Variants in MAN2B2 observed in about 807,000 individuals in gnomAD.
MAN2B2 encodes epididymis-specific alpha-mannosidase.
A neutral mutation model predicts 117.1 loss-of-function variants in MAN2B2; 106 were observed. The ratio of observed to expected loss-of-function variants is 0.90; its 90% confidence interval spans 0.77 to 1.06. The LOEUF is 1.06. MAN2B2 is among the 50% of genes least tolerant of loss of function. The probability of loss-of-function intolerance (pLI) is 0.00; values close to 1 mark genes in which losing one functional copy is unlikely to be tolerated. For synonymous variants in MAN2B2, 544 were observed against 595.1 expected (o/e 0.91, Z 1.25); for missense variants, 1,326 against 1,381.4 (o/e 0.96, Z 0.64).
rs1334783131 is a variant in MAN2B2, at chr4:6,622,601, A to G, written c.*1316A>G. 2 of 151,892 alleles carry G rather than the reference A, an allele frequency of 1.3e-5. No individual in the cohort carries two copies. The highest frequency in any genetic ancestry group is 6.6e-5 in the Admixed American group (1 of 15,248). The allele number at this position is 151,892 out of a possible 1,614,324, so 9.4% of individuals were successfully genotyped here. A position where few individuals can be genotyped will look rare whatever the true frequency, so the allele number is the denominator to read the frequency against. On this transcript the variant is annotated 3_prime_UTR_variant, in exon 19 of 19. Transcript: ENST00000285599. ...CTAGAGATGCACCACTGCGTCAGCTAATTTTTGTATTTTTAGTAGAGACGG... is the reference window on the plus strand; with the variant it reads ...CTAGAGATGCACCACTGCGTCAGCTGATTTTTGTATTTTTAGTAGAGACGG...
chr4:6,600,796 TG>T (rs1237981342), intron 10 of MAN2B2, 40 bp downstream of exon 10: 2 of 1,608,288 alleles, frequency 1.2e-6, no homozygotes, highest in Non-Finnish European at 1.7e-6. Context: ...CTTAGCTGCT[TG>T]CTGAACCTGC....
chr4:6,599,778 G>A (rs1577285598), intron 9 of MAN2B2, among the ~76,000 whole-genome samples: 2 of 152,010 alleles, frequency 1.3e-5, no homozygotes, highest in South Asian at 4.1e-4. Context: ...CATCTAACAT[G>A]CCCTTCCCCT....
chr4:6,583,462 C>T (rs1726519162), intron 3 of MAN2B2, among the ~76,000 whole-genome samples: 2 of 152,184 alleles, frequency 1.3e-5, no homozygotes, highest in Admixed American at 1.3e-4. Context: ...GTATATCGGA[C>T]GCCAATTAAC....
chr4:6,620,878 A>C, intron 18 of MAN2B2: 9 of 305,428 alleles, frequency 2.9e-5, no homozygotes, highest in Non-Finnish European at 3.1e-5. Flanking sequence ...CCCATGAGGA[A>C]TTGAGGCCAC....
chr4:6,621,021 A>G, intron 18 of MAN2B2, 167 bp from the exon 19 acceptor site: 1 of 583,534 alleles, frequency 1.7e-6, no homozygotes. Context: ...AGCCAGGTGC[A>G]GTGTGGTGAG....
chr4:6,619,975 C>A lies in MAN2B2; in HGVS notation c.2863C>A (p.Leu955Ile). 1 of 1,613,982 alleles carries A rather than the reference C, an allele frequency of 6.2e-7. No individual in the cohort carries two copies. Among genetic ancestry groups the A allele is most frequent in the Non-Finnish European group, 8.5e-7 (1 of 1,179,992 alleles). The change falls in exon 18 of 19, where the codon CTC (leucine) becomes ATC (isoleucine). Residue 955 changes from leucine (L) to isoleucine (I), a missense_variant. Physicochemically the swap from Leu to Ile is conservative, Grantham distance 5 (BLOSUM62 2). Coordinates refer to ENST00000285599, the MANE Select transcript of MAN2B2 (RefSeq NM_015274.3). ...CGTGGTGGCAGTGGAGGAGCGCTCG[C>A]TCACAGGGACCTGGGATTTGAGCAT... is the stretch of plus-strand genomic sequence containing the variant. Reference protein sequence around the residue: ...GSVVAVEERSLTGTWDLSMLH... With the variant: ...GSVVAVEERSITGTWDLSMLH...
At chr4:6,575,375 C>A in intron 1 of MAN2B2, 27 bp downstream of exon 1, 1 of 1,466,270 alleles carries the variant, frequency 6.8e-7, no homozygotes, top group Non-Finnish European at 9.1e-7. Context: ...CCCCGCGCGC[C>A]CCTGAGGCTG....
intron 15 of MAN2B2, 47 bp from the exon 16 acceptor site, chr4:6,614,171 G>A (rs774594139): frequency 6.3e-7 from 1 of 1,595,956 alleles, no homozygotes; most frequent in East Asian, 2.2e-5. Flanking sequence ...CCAGGAGGAG[G>A]AGTTGAGCCC....
chr4:6,597,404 G>T, intron 8 of MAN2B2, 101 bp downstream of exon 8: 3 of 1,254,596 alleles, frequency 2.4e-6, no homozygotes, highest in Non-Finnish European at 2.1e-6. Flanking sequence ...GGGCACTAGA[G>T]GCCCCACTTT....
rs191863613 is a variant in MAN2B2, at chr4:6,617,513, C to G, written c.2814+21C>G. On this transcript the variant is annotated intron_variant, in intron 17 of 18. Transcript: ENST00000285599. Reference sequence around the variant, plus strand: ...TGGAGGTGAACTTCCCCACCCCCATCCAGACCATAAGCCAGGGAAGCAAAC... The same window carrying G: ...TGGAGGTGAACTTCCCCACCCCCATGCAGACCATAAGCCAGGGAAGCAAAC... 1,875 of 1,613,622 alleles carry G rather than the reference C, an allele frequency of 1.2e-3. 2 individuals are homozygous for G. The highest frequency in any genetic ancestry group is 1.5e-3 in the Non-Finnish European group (1,796 of 1,179,740).
At chr4:6,615,018 C>G (rs1286459485) in intron 16 of MAN2B2, among the ~76,000 whole-genome samples, 4 of 152,236 alleles carry the variant, frequency 2.6e-5, no homozygotes, top group Admixed American at 1.3e-4. Context: ...CCCCTCTACA[C>G]CGTGAGCAGT....
chr4:6,602,881 GC>G (rs1727385458), intron 10 of MAN2B2, among the ~76,000 whole-genome samples: 1 of 151,964 alleles, frequency 6.6e-6, no homozygotes, highest in Admixed American at 6.5e-5. Flanking sequence ...TTACTATGTT[GC>G]CCAGGCTGGT....
Position 6,597,182 on chromosome 4 carries a change from G to A in MAN2B2, c.1127G>A (p.Ser376Asn). The A allele has an allele frequency of 6.2e-7, 1 of 1,612,856 alleles. No individual in the cohort carries two copies. The highest frequency in any genetic ancestry group is 8.5e-7 in the Non-Finnish European group (1 of 1,179,800). The stretch of plus-strand genomic sequence containing the variant: ...CTGAAGGGGCTGGCCCGGCGAGCCA[G>A]CGCCTTGTTGTATGCCGGGGAGTCC... ...SSLKGLARRA[S>N]ALLYAGESMF... The change falls in exon 8 of 19, where the codon AGC becomes AAC. Residue 376 changes from serine to asparagine, a missense_variant. Coordinates refer to ENST00000285599, the MANE Select transcript of MAN2B2 (RefSeq NM_015274.3).
chr4:6,621,368 C>T lies in MAN2B2; in HGVS notation c.*83C>T, dbSNP rs959889675. The T allele has an allele frequency of 6.0e-6, 7 of 1,158,130 alleles. No individual in the cohort carries two copies. The East Asian group carries it at 7.7e-5, about 13-fold the overall frequency. 71.7% of individuals were successfully genotyped at this position (1,158,130 alleles called of 1,614,324 possible). ...AGACCCAGGACAGGGAAAAGCAGTGCGGAGGGATGGGACTGGGGAGTCAGC... is the reference window on the plus strand; with the variant it reads ...AGACCCAGGACAGGGAAAAGCAGTGTGGAGGGATGGGACTGGGGAGTCAGC... On this transcript the variant is annotated 3_prime_UTR_variant, in exon 19 of 19. Transcript: ENST00000285599.
chr4:6,587,158 A>T lies in MAN2B2; in HGVS notation c.554A>T (p.Gln185Leu). 1 of 1,612,990 alleles carries T rather than the reference A, an allele frequency of 6.2e-7. No homozygotes were observed. Among genetic ancestry groups the T allele is most frequent in the Non-Finnish European group, 8.5e-7 (1 of 1,179,690 alleles). ...RIDYDLKAAM[Q>L]EARGLQFVWR... ...GACTACGACCTGAAGGCAGCCATGC[A>T]GGAGGCCCGGGTGAGTGGTGTGCCG... Residue 185 changes from glutamine to leucine, a missense_variant, in exon 4 of 19, where the codon CAG (glutamine) becomes CTG (leucine). Transcript: ENST00000285599.
At chr4:6,588,904 C>A (rs900048480) in intron 4 of MAN2B2, 141 bp from the exon 5 acceptor site, 17 of 636,586 alleles carry the variant, frequency 2.7e-5, no homozygotes, top group Admixed American at 5.2e-5. Context: ...TAGACGGAAA[C>A]GGCAGGGGAG....
chr4:6,579,210 TCACCAC>T (rs1298854364), intron 3 of MAN2B2, among the ~76,000 whole-genome samples: 12 of 21,532 alleles, frequency 5.6e-4, no homozygotes, highest in African/African-American at 1.5e-3. Context: ...ACCATCACCA[TCACCAC>T]CACCACCACC....
At position 6,615,487 on chromosome 4, in the gene MAN2B2, A is replaced by G. The variant is rs546094389; in HGVS notation, c.2701+1132A>G. Reference sequence around the variant, plus strand: ...TGCCATTCTGAAAACCAGCTACCCCATAGCCCCATGATAGCTTCTTAAAAA... The same window carrying G: ...TGCCATTCTGAAAACCAGCTACCCCGTAGCCCCATGATAGCTTCTTAAAAA... On this transcript the variant is annotated intron_variant, in intron 16 of 18. Coordinates refer to ENST00000285599, the MANE Select transcript of MAN2B2 (RefSeq NM_015274.3). Among the ~76,000 whole-genome samples, 21 of 152,084 alleles carry G rather than the reference A, an allele frequency of 1.4e-4. 1 individual carries two copies. The South Asian group carries it at 4.2e-3, about 30-fold the overall frequency.
rs762354691 is a variant in MAN2B2 at position 6,587,182 on chromosome 4, C to T, written c.564+14C>T. 8.1e-6 allele frequency: 13 copies of T among 1,606,380 alleles called. No individual in the cohort carries two copies. The highest frequency in any genetic ancestry group is 1.1e-5 in the Non-Finnish European group (13 of 1,175,372). On this transcript the variant is annotated intron_variant, in intron 4 of 18. Coordinates refer to ENST00000285599, the MANE Select transcript of MAN2B2 (RefSeq NM_015274.3). ...CAGGAGGCCCGGGTGAGTGGTGTGC[C>T]GCGTCTGCTGCCGCCCAGCGACCGC...
Sources: allele counts gnomAD v4.1 joint callset (sites outside exome capture counted in the v4.1 genomes callset), GRCh38; gene constraint gnomAD v4.1.1; transcripts MANE v1.5; gene names NCBI Gene and HGNC (gene_info 2026-07-23, HGNC 2026-07-21).